LYPLAL1: variants seen among roughly 807,000 people sequenced by gnomAD.
The protein encoded by LYPLAL1 is lysophospholipase-like protein 1.
A neutral mutation model predicts 19.7 loss-of-function variants in LYPLAL1; 23 were observed. That is an observed-to-expected ratio of 1.17 (90% CI 0.84 to 1.65). The LOEUF is 1.65. Among genes scored for constraint, LYPLAL1 ranks in the 40% most tolerant of loss-of-function variants. LYPLAL1 has a pLI of 0.00. For missense variants in LYPLAL1, 355 were observed against 279.4 expected, an observed-to-expected ratio of 1.27 and a Z score of -1.93; for synonymous variants, 119 against 96.3, an observed-to-expected ratio of 1.24 and a Z score of -1.38.
the LYPLAL1 span, among the ~76,000 whole-genome samples, chr1:219,365,042 A>G: frequency 2.0e-5 from 3 of 152,112 alleles, no homozygotes; most frequent in Non-Finnish European, 4.4e-5. Flanking sequence ...ATTTTGTCAT[A>G]CTATTGATAT....
At chr1:219,315,160 A>T in the LYPLAL1 span, among the ~76,000 whole-genome samples, 1 of 152,198 alleles carries the variant, frequency 6.6e-6, no homozygotes. Context: ...TTAAAACTGA[A>T]ATCTTTGCCT....
chr1:219,329,587 G>A, the LYPLAL1 span, among the ~76,000 whole-genome samples: 1 of 152,118 alleles, frequency 6.6e-6, no homozygotes, highest in African/African-American at 2.4e-5. Flanking sequence ...TGTCTATTTT[G>A]TCTTTTTATT....
chr1:219,202,371 A>G (rs895835604), intron 3 of LYPLAL1, among the ~76,000 whole-genome samples: 3 of 152,226 alleles, frequency 2.0e-5, no homozygotes, highest in Admixed American at 1.3e-4. Context: ...GGAGACTTAC[A>G]GGTAGCTTAG....
chr1:219,321,187 G>A, the LYPLAL1 span, among the ~76,000 whole-genome samples: 1 of 152,274 alleles, frequency 6.6e-6, no homozygotes, highest in Middle Eastern at 3.4e-3. Flanking sequence ...TTCTGTGATG[G>A]TCAGTGATGA....
chr1:219,364,587 T>C, the LYPLAL1 span, among the ~76,000 whole-genome samples: 3 of 152,284 alleles, frequency 2.0e-5, no homozygotes, highest in East Asian at 5.8e-4. Context: ...TTTTAGTTTG[T>C]TTTCCATTAA....
chr1:219,210,668 A>C (rs1160325896), intron 4 of LYPLAL1, 21 bp downstream of exon 4: 4 of 1,585,518 alleles, frequency 2.5e-6, no homozygotes, highest in South Asian at 1.2e-5. Flanking sequence ...GATTTAAAAA[A>C]AAATGAAAAA....
chr1:219,362,759 T>C, the LYPLAL1 span, among the ~76,000 whole-genome samples: 309 of 152,224 alleles, frequency 2.0e-3, 1 homozygote, highest in Middle Eastern at 6.8e-3. Context: ...AGTTTTATTG[T>C]ACAAGTAGTG....
chr1:219,419,594 C>CACACACACACACACACACACAGAGAGAG, the LYPLAL1 span, among the ~76,000 whole-genome samples: 31 of 99,588 alleles, frequency 3.1e-4, 1 homozygote, highest in Admixed American at 4.4e-4. Flanking sequence ...CACACACACA[C>CACACACACACACACACACACAGAGAGAG]AGAGAGAGAG....
At chr1:219,268,061 T>C in the LYPLAL1 span, among the ~76,000 whole-genome samples, 1 of 152,230 alleles carries the variant, frequency 6.6e-6, no homozygotes, top group East Asian at 1.9e-4. Context: ...ATTAAGCACT[T>C]ACTATGTGTT....
the LYPLAL1 span, among the ~76,000 whole-genome samples, chr1:219,241,130 CTCTCTA>C: frequency 5.8e-4 from 41 of 71,100 alleles, no homozygotes; most frequent in African/African-American, 1.5e-3. Flanking sequence ...CTCTCTCTCT[CTCTCTA>C]TATATATATA....
chr1:219,325,384 C>T, the LYPLAL1 span, among the ~76,000 whole-genome samples: 6 of 152,130 alleles, frequency 3.9e-5, no homozygotes, highest in East Asian at 9.6e-4. Context: ...AATTTTGAGA[C>T]ATTGTCTAAA....
At chr1:219,373,047 A>T in the LYPLAL1 span, among the ~76,000 whole-genome samples, 39 of 152,366 alleles carry the variant, frequency 2.6e-4, no homozygotes, top group Non-Finnish European at 1.3e-4. Flanking sequence ...TGTTTGTGCC[A>T]TGCAAATATT....
the LYPLAL1 span, among the ~76,000 whole-genome samples, chr1:219,415,920 A>G: frequency 6.6e-6 from 1 of 152,170 alleles, no homozygotes; most frequent in African/African-American, 2.4e-5. Context: ...CTGTCTTCAC[A>G]TAGCGCTTCT....
chr1:219,375,785 A>G, the LYPLAL1 span, among the ~76,000 whole-genome samples: 2 of 141,972 alleles, frequency 1.4e-5, no homozygotes, highest in Non-Finnish European at 3.0e-5. Flanking sequence ...TCTGTCGTCC[A>G]GGCTGGAGTA....
chr1:219,302,274 G>A, the LYPLAL1 span, among the ~76,000 whole-genome samples: 2 of 152,098 alleles, frequency 1.3e-5, no homozygotes, highest in Admixed American at 6.5e-5. Context: ...AGATTACATT[G>A]CCTAAATTAG....
At chr1:219,400,778 G>A in the LYPLAL1 span, among the ~76,000 whole-genome samples, 5 of 152,128 alleles carry the variant, frequency 3.3e-5, no homozygotes, top group Non-Finnish European at 5.9e-5. Flanking sequence ...GGGATTATAG[G>A]CATGAGCCAC....
chr1:219,354,396 A>G, the LYPLAL1 span, among the ~76,000 whole-genome samples: 51 of 152,200 alleles, frequency 3.4e-4, no homozygotes, highest in South Asian at 0.01. Context: ...GAGCTTCACC[A>G]TGATGGCCAG....
chr1:219,403,795 G>GA, the LYPLAL1 span, among the ~76,000 whole-genome samples: 1 of 152,170 alleles, frequency 6.6e-6, no homozygotes, highest in South Asian at 2.1e-4. Context: ...CATGCAGTGA[G>GA]AACTTTCAAT....
At chr1:219,200,336 A>G (rs1051160843) in intron 3 of LYPLAL1, 1 of 201,636 alleles carries the variant, frequency 5.0e-6, no homozygotes. Flanking sequence ...TATAGCCATC[A>G]TAAGAAAAAG....
Sources: allele counts gnomAD v4.1 joint callset (sites outside exome capture counted in the v4.1 genomes callset), GRCh38; gene constraint gnomAD v4.1.1; transcripts MANE v1.5; gene names NCBI Gene and HGNC (gene_info 2026-07-23, HGNC 2026-07-21).